The following RWDD2B variants were observed in gnomAD, a reference collection of about 807,000 sequenced individuals.
RWDD2B encodes RWD domain containing 2B.
In RWDD2B, 36 loss-of-function variants were observed where a neutral mutation model predicts 33.6. The observed-to-expected ratio is 1.07, with a 90% CI of 0.82 to 1.42. RWDD2B has a LOEUF of 1.42. Ranked by LOEUF, RWDD2B falls within the 40% of genes most tolerant of loss-of-function variation. The probability of loss-of-function intolerance (pLI) is 0.00; values close to 1 mark genes in which losing one functional copy is unlikely to be tolerated. For synonymous variants in RWDD2B, 126 were observed against 133.1 expected (o/e 0.95, Z 0.37); for missense variants, 364 against 377.5 (o/e 0.96, Z 0.30).
chr21:29,006,567 TC>T lies in RWDD2B; in HGVS notation c.809del (p.Arg270AsnfsTer32). On this transcript the variant is annotated frameshift_variant, in exon 5 of 5. Transcript: ENST00000493196. LOFTEE classifies it high-confidence loss of function. The part of the protein sequence containing the change: ...PFDGTNDETE[R>X]QRKFSIFEEK... Reference sequence around the variant, plus strand: ...CTTCAAAAATGGAAAATTTCCTTTGTCTTTCCGTTTCATCATTTGTACCATC... The same window carrying T: ...CTTCAAAAATGGAAAATTTCCTTTGTTTTCCGTTTCATCATTTGTACCATC... The T allele has an allele frequency of 6.2e-7, 1 of 1,613,996 alleles. No individual in the cohort carries two copies. Among genetic ancestry groups the T allele is most frequent in the South Asian group, 1.1e-5 (1 of 91,078 alleles).
Position 29,006,573 on chromosome 21 carries a change from C to T in RWDD2B, c.804G>A (p.Thr268=), listed in dbSNP as rs745977593. The T allele has an allele frequency of 3.1e-6, 5 of 1,613,762 alleles. No homozygotes were observed. The highest frequency in any genetic ancestry group is 4.2e-6 in the Non-Finnish European group (5 of 1,179,804). Residue 268 remains threonine (T), a synonymous_variant, in exon 5 of 5, where the codon ACG becomes ACA. Coordinates refer to ENST00000493196, the MANE Select transcript of RWDD2B (RefSeq NM_016940.3). ...AAATGGAAAATTTCCTTTGTCTTTC[C>T]GTTTCATCATTTGTACCATCAAAAG... ...DIPFDGTNDE[T]ERQRKFSIFE...
At chr21:29,010,034 T>C (rs2084848906) in intron 1 of RWDD2B, among the ~76,000 whole-genome samples, 2 of 152,184 alleles carry the variant, frequency 1.3e-5, no homozygotes, top group Admixed American at 6.5e-5. Context: ...CCATAACTTA[T>C]TTAATTCTTT....
At position 29,006,611 on chromosome 21, in the gene RWDD2B, G is replaced by C. The variant is rs373952573; in HGVS notation, c.766C>G (p.Arg256Gly). The change falls in exon 5 of 5, where the codon CGA (arginine) becomes GGA (glycine). Residue 256 changes from arginine (R) to glycine (G), a missense_variant. Coordinates refer to ENST00000493196, the MANE Select transcript of RWDD2B (RefSeq NM_016940.3). ...LNWKRILIRH[R>G]EDIPFDGTND... ...GTACCATCAAAAGGAATGTCTTCTC[G>C]ATGGCGAATTAAAATTCTCTTCCAG... is the stretch of plus-strand genomic sequence containing the variant. The C allele has an allele frequency of 3.4e-5, 55 of 1,607,606 alleles. No individual in the cohort carries two copies. The highest frequency in any genetic ancestry group is 4.5e-5 in the Non-Finnish European group (53 of 1,177,944).
chr21:29,010,695 C>G (rs1251105875), intron 1 of RWDD2B, among the ~76,000 whole-genome samples: 1 of 151,532 alleles, frequency 6.6e-6, no homozygotes, highest in Non-Finnish European at 1.5e-5. Context: ...CCCTCTCTTT[C>G]CACGGTCTCC....
At chr21:29,015,145 T>G (rs1054986810) in intron 1 of RWDD2B, among the ~76,000 whole-genome samples, 10 of 151,962 alleles carry the variant, frequency 6.6e-5, no homozygotes, top group Non-Finnish European at 4.4e-5. Flanking sequence ...TTGTTTTCCT[T>G]TACAGATAAG....
chr21:29,017,146 C>G (rs2146342097), intron 1 of RWDD2B, among the ~76,000 whole-genome samples: 1 of 151,312 alleles, frequency 6.6e-6, no homozygotes, highest in East Asian at 2.0e-4. Context: ...GCTGGGATTA[C>G]AGGCATGAGC....
intron 1 of RWDD2B, among the ~76,000 whole-genome samples, chr21:29,012,398 A>G (rs556386588): frequency 2.2e-3 from 341 of 152,172 alleles, no homozygotes; most frequent in African/African-American, 7.8e-3. Flanking sequence ...AGAGGTAGAC[A>G]TGGGAGACTT....
At chr21:29,011,671 C>T (rs1373470356) in intron 1 of RWDD2B, among the ~76,000 whole-genome samples, 17 of 136,062 alleles carry the variant, frequency 1.2e-4, no homozygotes, top group South Asian at 2.4e-4. Context: ...CCAGCCGCCC[C>T]GTCCGGGAGG....
In RWDD2B at chr21:29,008,599, C is replaced by A. The variant is rs752617931; in HGVS notation, c.90G>T (p.Met30Ile). The change falls in exon 2 of 5, where the codon ATG becomes ATT. Residue 30 changes from methionine to isoleucine, a missense_variant. By Grantham distance (10) the Met-to-Ile change is conservative. Coordinates refer to ENST00000493196, the MANE Select transcript of RWDD2B (RefSeq NM_016940.3). ...TAQETYTCPK[M>I]IEMEQAEAQL... is the part of the protein sequence containing the mutation. ...GGGCCTCCGCCTGCTCCATCTCAATCATTTTTGGACATGTGTAAGTTTCTA... is the reference window on the plus strand; with the variant it reads ...GGGCCTCCGCCTGCTCCATCTCAATAATTTTTGGACATGTGTAAGTTTCTA... The A allele has an allele frequency of 1.6e-5, 26 of 1,612,950 alleles. No homozygotes were observed. In the African/African-American group the frequency reaches 2.9e-4, roughly 18 times the overall value.
In RWDD2B at chr21:29,008,632, A is replaced by G. The variant is rs1282096380; in HGVS notation, c.68-11T>C. On this transcript the variant is annotated splice_polypyrimidine_tract_variant and intron_variant, in intron 1 of 4. Transcript: ENST00000493196. ...GACATGTGTAAGTTTCTAAGGAGGT[A>G]AAGATAAGAGAGACAATTTACATAT... The G allele has an allele frequency of 6.3e-7, 1 of 1,588,904 alleles. No homozygotes were observed. Among genetic ancestry groups the G allele is most frequent in the Non-Finnish European group, 8.6e-7 (1 of 1,160,964 alleles).
At chr21:29,017,022 C>T (rs1601025020) in intron 1 of RWDD2B, among the ~76,000 whole-genome samples, 1 of 151,868 alleles carries the variant, frequency 6.6e-6, no homozygotes, top group South Asian at 2.1e-4. Flanking sequence ...GCAGAGTCGG[C>T]TCACTACAAC....
intron 4 of RWDD2B, among the ~76,000 whole-genome samples, chr21:29,007,557 T>C (rs1461194194): frequency 1.3e-5 from 2 of 152,230 alleles, no homozygotes; most frequent in Non-Finnish European, 2.9e-5. Flanking sequence ...CCAGCACCAT[T>C]ACTGAATATC....
chr21:29,006,560 T>A lies in RWDD2B; in HGVS notation c.817A>T (p.Lys273Ter), dbSNP rs145561377. 15 of 1,613,860 alleles carry A rather than the reference T, an allele frequency of 9.3e-6. No homozygotes were observed. In the African/African-American group the frequency reaches 2.0e-4, roughly 22 times the overall value. Residue 273 changes from lysine (K) to a stop codon, truncating the protein, a stop_gained, in exon 5 of 5, where the codon AAA becomes TAA. Transcript: ENST00000493196. LOFTEE classifies it high-confidence loss of function. The part of the protein sequence containing the change: ...GTNDETERQR[K>*]FSIFEEKVFS... ...ACTTTTTCTTCAAAAATGGAAAATTTCCTTTGTCTTTCCGTTTCATCATTT... is the reference window on the plus strand; with the variant it reads ...ACTTTTTCTTCAAAAATGGAAAATTACCTTTGTCTTTCCGTTTCATCATTT...
At chr21:29,011,772 T>G (rs1601021990) in intron 1 of RWDD2B, among the ~76,000 whole-genome samples, 1 of 107,348 alleles carries the variant, frequency 9.3e-6, no homozygotes, top group African/African-American at 3.8e-5. Flanking sequence ...GGTGGGGGGG[T>G]CAGCCCCCCG....
intron 1 of RWDD2B, 124 bp downstream of exon 1, chr21:29,019,087 G>A: frequency 1.3e-6 from 1 of 752,128 alleles, no homozygotes; most frequent in South Asian, 1.7e-5. Flanking sequence ...CGACCGATGG[G>A]CGCATGCAGT....
At chr21:29,018,919 T>G (rs989145006) in intron 1 of RWDD2B, among the ~76,000 whole-genome samples, 1 of 152,196 alleles carries the variant, frequency 6.6e-6, no homozygotes, top group African/African-American at 2.4e-5. Context: ...GCAGATTTTT[T>G]TTTGAAGAAC....
rs2084823467 is a variant in RWDD2B, at chr21:29,005,406, C to T, written c.*1011G>A. ...AATGCAAAACTAAAGCTCTGAAAAACTCTATTTGACAAACTAGCTTTCAAC... is the reference window on the plus strand; with the variant it reads ...AATGCAAAACTAAAGCTCTGAAAAATTCTATTTGACAAACTAGCTTTCAAC... On this transcript the variant is annotated 3_prime_UTR_variant, in exon 5 of 5. Transcript: ENST00000493196. The T allele has an allele frequency of 6.6e-6, 1 of 152,136 alleles. No individual in the cohort carries two copies. Among genetic ancestry groups the T allele is most frequent in the Admixed American group, 6.5e-5 (1 of 15,268 alleles). The allele number at this position is 152,136 out of a possible 1,614,324, so 9.4% of individuals were successfully genotyped here. A position where few individuals can be genotyped will look rare whatever the true frequency, so the allele number is the denominator to read the frequency against.
At chr21:29,010,826 CCT>C (rs140131532) in intron 1 of RWDD2B, among the ~76,000 whole-genome samples, 7,760 of 151,882 alleles carry the variant, frequency 0.051, 451 homozygotes, top group East Asian at 0.16. Context: ...CGCCGCCACC[CCT>C]GACTGGTTTT....
intron 1 of RWDD2B, among the ~76,000 whole-genome samples, chr21:29,011,509 C>G (rs1401338451): frequency 2.0e-5 from 3 of 151,518 alleles, no homozygotes. Flanking sequence ...CGTCTCTACC[C>G]GGCAGCCACC....
Sources: gnomAD v4.1 joint callset for allele counts (sites outside exome capture counted in the v4.1 genomes callset) on GRCh38, gnomAD v4.1.1 for gene constraint, MANE v1.5 for transcripts, NCBI Gene and HGNC (gene_info 2026-07-23, HGNC 2026-07-21) for gene names.